THSD7B: variants seen among roughly 807,000 people sequenced by gnomAD.
The protein encoded by THSD7B is thrombospondin type-1 domain-containing protein 7B.
In THSD7B, 138 loss-of-function variants were observed where a neutral mutation model predicts 213.6. The observed-to-expected ratio is 0.65, with a 90% CI of 0.56 to 0.74. The LOEUF (loss-of-function observed/expected upper bound fraction) is 0.74, where lower values mean the gene tolerates loss of function less well. Among genes scored for constraint, THSD7B ranks in the 30% least tolerant of loss-of-function variants. The pLI is 0.00. For synonymous variants in THSD7B, 742 were observed against 687.0 expected (o/e 1.08, Z -1.25); for missense variants, 1,931 against 1,991.5 (o/e 0.97, Z 0.58).
intron 2 of THSD7B, among the ~76,000 whole-genome samples, chr2:136,952,634 C>A (rs1685056293): frequency 6.6e-6 from 1 of 152,058 alleles, no homozygotes; most frequent in Admixed American, 6.6e-5. Context: ...TGGTATGTAA[C>A]TTGCATGCTA....
At chr2:137,218,407 A>G (rs1209231554) in intron 7 of THSD7B, among the ~76,000 whole-genome samples, 4 of 152,086 alleles carry the variant, frequency 2.6e-5, no homozygotes. Flanking sequence ...TTTTATTTAT[A>G]TTTAAATATA....
rs571195190 is a variant in THSD7B at position 137,019,649 on chromosome 2, A to G, written c.140-36771A>G. 1.5e-3 allele frequency among the ~76,000 whole-genome samples: 236 copies of G among 152,288 alleles called. 4 individuals are homozygous for G. Among genetic ancestry groups the G allele is most frequent in the South Asian group, 0.011 (54 of 4,830 alleles). The stretch of plus-strand genomic sequence containing the variant: ...CTTGCAAACCCACTGTAAATGTAAC[A>G]TCTTTGTGAAGACTTATAATTCTTT... On this transcript the variant is annotated intron_variant, in intron 2 of 27. Transcript: ENST00000409968.
At chr2:136,895,972 C>T (rs918865688) in intron 2 of THSD7B, among the ~76,000 whole-genome samples, 12 of 152,054 alleles carry the variant, frequency 7.9e-5, no homozygotes, top group African/African-American at 2.9e-4. Flanking sequence ...AATAGTATTC[C>T]ATTGTATGGA....
chr2:137,395,999 C>G (rs192885248), intron 12 of THSD7B, among the ~76,000 whole-genome samples: 1 of 152,076 alleles, frequency 6.6e-6, no homozygotes, highest in African/African-American at 2.4e-5. Context: ...TCTGTGGGAC[C>G]GGTGGTGATA....
chr2:137,190,635 G>A (rs1267664364), intron 7 of THSD7B, among the ~76,000 whole-genome samples: 1 of 152,168 alleles, frequency 6.6e-6, no homozygotes, highest in Non-Finnish European at 1.5e-5. Context: ...GCTTTCATGA[G>A]TCACAGTAAC....
At chr2:137,264,880 G>A (rs1335240157) in intron 10 of THSD7B, among the ~76,000 whole-genome samples, 1 of 151,336 alleles carries the variant, frequency 6.6e-6, no homozygotes. Context: ...ACAATGTGCA[G>A]GTTAGTTACA....
intron 17 of THSD7B, among the ~76,000 whole-genome samples, chr2:137,583,788 G>T (rs569422383): frequency 1.2e-4 from 19 of 152,244 alleles, no homozygotes; most frequent in African/African-American, 4.6e-4. Flanking sequence ...CTCCAGCTTT[G>T]TTCTTTTGGC....
intron 2 of THSD7B, among the ~76,000 whole-genome samples, chr2:136,905,104 G>T (rs895329967): frequency 6.6e-6 from 1 of 152,202 alleles, no homozygotes; most frequent in African/African-American, 2.4e-5. Context: ...CTGCATGTGG[G>T]TTGCTAAGAC....
intron 17 of THSD7B, among the ~76,000 whole-genome samples, chr2:137,596,936 T>G (rs1261547410): frequency 6.6e-6 from 1 of 152,106 alleles, no homozygotes; most frequent in African/African-American, 2.4e-5. Context: ...GAATGTGTAT[T>G]GCCATAAAAA....
chr2:137,072,682 C>A (rs753608150), intron 3 of THSD7B, among the ~76,000 whole-genome samples: 10 of 152,120 alleles, frequency 6.6e-5, no homozygotes, highest in South Asian at 4.2e-4. Flanking sequence ...GTCTTGTGCC[C>A]GTTTTCAAAG....
chr2:137,297,871 A>G (rs994308758), intron 12 of THSD7B, among the ~76,000 whole-genome samples: 1 of 152,158 alleles, frequency 6.6e-6, no homozygotes, highest in African/African-American at 2.4e-5. Flanking sequence ...TGTAAGTCCA[A>G]TTAAACCTCT....
chr2:137,406,683 A>G (rs1432791548), intron 13 of THSD7B, among the ~76,000 whole-genome samples: 1 of 152,212 alleles, frequency 6.6e-6, no homozygotes, highest in Non-Finnish European at 1.5e-5. Flanking sequence ...TTAAATCACC[A>G]TTATGGATTT....
intron 15 of THSD7B, among the ~76,000 whole-genome samples, chr2:137,487,164 T>C (rs7563180): frequency 0.96 from 142,007 of 147,888 alleles, 68,760 homozygotes; most frequent in Middle Eastern, 1. Context: ...GTCAGGAGAT[T>C]GAGACCATCC....
chr2:136,982,357 G>T (rs1685596363), intron 2 of THSD7B, among the ~76,000 whole-genome samples: 1 of 151,774 alleles, frequency 6.6e-6, no homozygotes, highest in Non-Finnish European at 1.5e-5. Context: ...TAGCGACAGG[G>T]TCTCCTTATG....
chr2:137,285,284 C>T (rs900738513), intron 12 of THSD7B, among the ~76,000 whole-genome samples: 1 of 152,026 alleles, frequency 6.6e-6, no homozygotes, highest in East Asian at 1.9e-4. Context: ...TATTTTGAGC[C>T]TATGTGTGTC....
chr2:137,637,549 C>T (rs570003554), intron 20 of THSD7B, among the ~76,000 whole-genome samples: 2 of 152,184 alleles, frequency 1.3e-5, no homozygotes, highest in Non-Finnish European at 2.9e-5. Flanking sequence ...AAGTCATAGG[C>T]ATTGTTTGGA....
chr2:136,982,571 G>A (rs755196477), intron 2 of THSD7B, among the ~76,000 whole-genome samples: 36 of 152,110 alleles, frequency 2.4e-4, no homozygotes, highest in Admixed American at 7.2e-4. Context: ...TTACCCATAA[G>A]ACAAAACTTT....
intron 2 of THSD7B, among the ~76,000 whole-genome samples, chr2:136,983,295 CAGCTTTACTAATGGT>C (rs946595974): frequency 2.1e-5 from 3 of 143,812 alleles, no homozygotes; most frequent in Non-Finnish European, 4.5e-5. Context: ...TTTTGCACAG[CAGCTTTACTAATGGT>C]AGCTTGTTAC....
chr2:137,304,581 A>G (rs1424919826), intron 12 of THSD7B, among the ~76,000 whole-genome samples: 3 of 152,144 alleles, frequency 2.0e-5, no homozygotes, highest in African/African-American at 7.2e-5. Flanking sequence ...AAAGTTACAA[A>G]TTACACTTGA....
Sources: gnomAD v4.1 joint callset for allele counts (sites outside exome capture counted in the v4.1 genomes callset) on GRCh38, gnomAD v4.1.1 for gene constraint, MANE v1.5 for transcripts, NCBI Gene and HGNC (gene_info 2026-07-23, HGNC 2026-07-21) for gene names.